GYG2: variants seen among roughly 807,000 people sequenced by gnomAD.
GYG2 encodes the protein glycogenin-2.
GYG2 carries 29 observed loss-of-function variants against 29.4 expected under a neutral mutation model. That is an observed-to-expected ratio of 0.99 (90% confidence interval 0.74 to 1.35). The LOEUF is 1.35. Among genes scored for constraint, GYG2 ranks in the 40% most tolerant of loss-of-function variants. The probability of loss-of-function intolerance (pLI) is 0.00; values close to 1 mark genes in which losing one functional copy is unlikely to be tolerated. For synonymous variants in GYG2, 167 were observed against 172.3 expected, an observed-to-expected ratio of 0.97 and a Z score of 0.24; for missense variants, 370 against 385.7, an observed-to-expected ratio of 0.96 and a Z score of 0.34.
intron 3 of GYG2, among the ~76,000 whole-genome samples, chrX:2,844,924 G>T (rs1424671202): frequency 2.9e-5 from 3 of 104,240 alleles, no homozygotes; most frequent in South Asian, 4.0e-4. Context: ...ATACCTGTAT[G>T]TATATATGTT....
chrX:2,863,063 GA>G lies in GYG2; in HGVS notation c.1038+1352del, dbSNP rs751222054. Among the ~76,000 whole-genome samples the G allele has an allele frequency of 6.8e-3, 548 of 80,202 alleles. 1 individual carries two copies. The highest frequency in any genetic ancestry group is 0.014 in the African/African-American group (326 of 23,536). 69.6% of individuals were successfully genotyped at this position (80,202 alleles called of 115,157 possible). The stretch of plus-strand genomic sequence containing the variant: ...TGACAGAGCGAGACACTGTCTCAAA[GA>G]AAAAAAAAAAGAAATCTTTTTTTTT... On this transcript the variant is annotated intron_variant, in intron 8 of 10. Transcript: ENST00000398806.
chrX:2,829,830 G>C (rs2147114000), intron 1 of GYG2, among the ~76,000 whole-genome samples: 1 of 109,944 alleles, frequency 9.1e-6, no homozygotes, highest in Admixed American at 9.5e-5. Flanking sequence ...AAGACGCAGC[G>C]GGGTCGCAGG....
At chrX:2,860,729 G>C (rs2088142076) in intron 7 of GYG2, among the ~76,000 whole-genome samples, 1 of 94,790 alleles carries the variant, frequency 1.1e-5, no homozygotes, top group Admixed American at 1.2e-4. Flanking sequence ...CTAGAGTTTT[G>C]TTTGTTTGTT....
At chrX:2,859,793 C>G (rs2088112105) in intron 6 of GYG2, 50 bp from the exon 7 acceptor site, 1 of 877,179 alleles carries the variant, frequency 1.1e-6, no homozygotes, top group African/African-American at 2.0e-5. Context: ...TTCTGGGTGT[C>G]TTTTATCACA....
At position 2,861,672 on chromosome X, in the gene GYG2, C is replaced by G. The variant is rs1179451203; in HGVS notation, c.988C>G (p.Gln330Glu). 8.3e-7 allele frequency: 1 copy of G among 1,202,397 alleles called. No individual in the cohort carries two copies. The highest frequency in any genetic ancestry group is 1.1e-6 in the Non-Finnish European group (1 of 890,919). Residue 330 changes from glutamine (Q) to glutamate (E), a missense_variant, in exon 8 of 11, where the codon CAG becomes GAG. Coordinates refer to ENST00000398806, the MANE Select transcript of GYG2 (RefSeq NM_001079855.2). ...TGCTCAGGGCCTTCCGGAGCCGACC[C>G]AGATAGTGGATGAGACCCTGTCCCT... ...QPAQGLPEPTQIVDETLSLPE... is the reference protein window; with the variant it reads ...QPAQGLPEPTEIVDETLSLPE...
At chrX:2,867,078 G>T (rs766805735) in intron 8 of GYG2, among the ~76,000 whole-genome samples, 2 of 111,912 alleles carry the variant, frequency 1.8e-5, no homozygotes, top group Non-Finnish European at 3.8e-5. Flanking sequence ...TCTGGGTAGT[G>T]CTGGGGACAG....
In GYG2 at chrX:2,875,930, A is replaced by G; in HGVS notation, c.1143+16A>G. The stretch of plus-strand genomic sequence containing the variant: ...AACCATCTTGGTATTCCTCATCTAT[A>G]TGACCTACACATGGCCAGCTCTCTT... On this transcript the variant is annotated intron_variant, in intron 9 of 10. Coordinates refer to ENST00000398806, the MANE Select transcript of GYG2 (RefSeq NM_001079855.2). 4.3e-6 allele frequency: 4 copies of G among 925,447 alleles called. No individual in the cohort carries two copies. Among genetic ancestry groups the G allele is most frequent in the Non-Finnish European group, 6.3e-6 (4 of 639,206 alleles). The allele number at this position is 925,447 out of a possible 1,213,427, so 76.3% of individuals were successfully genotyped here.
chrX:2,839,358 C>T (rs5982878), intron 2 of GYG2, among the ~76,000 whole-genome samples: 36,314 of 109,726 alleles, frequency 0.33, 4,434 homozygotes, highest in East Asian at 0.42. Context: ...ACTTTTTAGT[C>T]TGTTCTCCTT....
At chrX:2,836,673 CAA>C (rs571518086) in intron 2 of GYG2, among the ~76,000 whole-genome samples, 8,436 of 47,472 alleles carry the variant, frequency 0.18, 400 homozygotes, top group South Asian at 0.34. Context: ...AAGACCCTGT[CAA>C]AAAAAAAAAA....
chrX:2,880,751 T>C (rs1046485009), intron 10 of GYG2, among the ~76,000 whole-genome samples: 1 of 109,760 alleles, frequency 9.1e-6, no homozygotes, highest in Non-Finnish European at 1.9e-5. Context: ...GTGCAAAAAA[T>C]ACAAAAATCA....
At chrX:2,877,437 C>A (rs2088628991) in intron 10 of GYG2, 130 bp downstream of exon 10, 11 of 1,090,343 alleles carry the variant, frequency 1.0e-5, no homozygotes, top group Non-Finnish European at 1.3e-5. Flanking sequence ...GAATCGGCTT[C>A]CCTCTTCCCC....
At position 2,881,258 on chromosome X, in the gene GYG2, T is replaced by C; in HGVS notation, c.*45T>C. ...TGTGTGTAGTTAGACAATGTCCTGT[T>C]GGGTGGTCCTGTTGCGTGGAGATCT... On this transcript the variant is annotated 3_prime_UTR_variant, in exon 11 of 11. Coordinates refer to ENST00000398806, the MANE Select transcript of GYG2 (RefSeq NM_001079855.2). 1 of 1,057,312 alleles carries C rather than the reference T, an allele frequency of 9.5e-7. No homozygotes were observed. The highest frequency in any genetic ancestry group is 1.3e-6 in the Non-Finnish European group (1 of 786,352). The allele number at this position is 1,057,312 out of a possible 1,213,427, so 87.1% of individuals were successfully genotyped here. A position where few individuals can be genotyped will look rare whatever the true frequency, so the allele number is the denominator to read the frequency against.
At chrX:2,879,217 ATATC>A (rs1379525979) in intron 10 of GYG2, among the ~76,000 whole-genome samples, 1 of 107,593 alleles carries the variant, frequency 9.3e-6, no homozygotes, top group Non-Finnish European at 1.9e-5. Context: ...ATCTTTCTAT[ATATC>A]TATCTCTATA....
intron 5 of GYG2, 135 bp from the exon 6 acceptor site, chrX:2,856,362 GC>G (rs1342656340): frequency 2.0e-6 from 1 of 512,112 alleles, no homozygotes; most frequent in Admixed American, 3.6e-5. Flanking sequence ...AATGTGTGCA[GC>G]TGGCAGACAG....
In GYG2 at chrX:2,882,560, T is replaced by G. The variant is rs765022611; in HGVS notation, c.*1347T>G. ...TTTCTTTTTCCGTGTGGGTGGTTAA[T>G]AATCGTCAGTCTCGGAGGGCGAGGC... On this transcript the variant is annotated 3_prime_UTR_variant, in exon 11 of 11. Coordinates refer to ENST00000398806, the MANE Select transcript of GYG2 (RefSeq NM_001079855.2). The G allele has an allele frequency of 2.7e-5, 3 of 109,836 alleles. No individual in the cohort carries two copies. The highest frequency in any genetic ancestry group is 5.7e-5 in the Non-Finnish European group (3 of 52,643). 9.1% of individuals were successfully genotyped at this position (109,836 alleles called of 1,213,427 possible). A position where few individuals can be genotyped will look rare whatever the true frequency, so the allele number is the denominator to read the frequency against.
chrX:2,882,708 G>A lies in GYG2; in HGVS notation c.*1495G>A, dbSNP rs2088742265. The A allele has an allele frequency of 9.1e-6, 1 of 110,362 alleles. No individual in the cohort carries two copies. Among genetic ancestry groups the A allele is most frequent in the Non-Finnish European group, 1.9e-5 (1 of 52,874 alleles). The allele number at this position is 110,362 out of a possible 1,213,427, so 9.1% of individuals were successfully genotyped here. ...ACCAGAATTCATGTTCACGGGCAGT[G>A]ATGAGTTGGCTTATGGAGTGAGTCC... On this transcript the variant is annotated 3_prime_UTR_variant, in exon 11 of 11. Transcript: ENST00000398806.
intron 8 of GYG2, among the ~76,000 whole-genome samples, chrX:2,869,457 C>G (rs1271499769): frequency 2.7e-5 from 3 of 111,383 alleles, no homozygotes; most frequent in Admixed American, 1.9e-4. Context: ...ACATCACTGT[C>G]ACCTGCTGTC....
intron 2 of GYG2, among the ~76,000 whole-genome samples, chrX:2,841,822 A>G (rs746963718): frequency 8.9e-6 from 1 of 112,202 alleles, no homozygotes; most frequent in African/African-American, 3.2e-5. Context: ...TGCACACTGC[A>G]TGGGACTTCT....
At chrX:2,846,055 ATTTTT>A (rs374480210) in intron 3 of GYG2, among the ~76,000 whole-genome samples, 2 of 38,664 alleles carry the variant, frequency 5.2e-5, no homozygotes, top group Non-Finnish European at 8.9e-5. Flanking sequence ...ATATATATAT[ATTTTT>A]TTTTTTTTTT....
Sources: allele counts gnomAD v4.1 joint callset (sites outside exome capture counted in the v4.1 genomes callset), GRCh38; gene constraint gnomAD v4.1.1; transcripts MANE v1.5; gene names NCBI Gene and HGNC (gene_info 2026-07-23, HGNC 2026-07-21).